Variants in LDLRAD4 observed in about 807,000 individuals in gnomAD.
LDLRAD4 encodes the protein low-density lipoprotein receptor class A domain-containing protein 4.
LDLRAD4 carries 5 observed loss-of-function variants against 17.0 expected under a neutral mutation model. That is an observed-to-expected ratio of 0.29 (90% confidence interval 0.15 to 0.62). The LOEUF (loss-of-function observed/expected upper bound fraction) is 0.62, where lower values mean the gene tolerates loss of function less well. Among genes scored for constraint, LDLRAD4 ranks in the 20% least tolerant of loss-of-function variants. The probability of loss-of-function intolerance (pLI) is 0.84; values close to 1 mark genes in which losing one functional copy is unlikely to be tolerated. For missense variants in LDLRAD4, 340 were observed against 424.7 expected, an observed-to-expected ratio of 0.80 and a Z score of 1.75; for synonymous variants, 168 against 171.8, an observed-to-expected ratio of 0.98 and a Z score of 0.17.
At chr18:13,343,181 C>A (rs1405731994) in intron 1 of LDLRAD4, among the ~76,000 whole-genome samples, 1 of 152,006 alleles carries the variant, frequency 6.6e-6, no homozygotes, top group Non-Finnish European at 1.5e-5. Context: ...GTGCTGCACT[C>A]ATTAACTCGT....
At chr18:13,525,868 C>T (rs998159192) in intron 3 of LDLRAD4, among the ~76,000 whole-genome samples, 1 of 152,198 alleles carries the variant, frequency 6.6e-6, no homozygotes, top group African/African-American at 2.4e-5. Context: ...GGCCATGTAC[C>T]CCAGCGGGGC....
chr18:13,473,636 CATATAT>C (rs71366054), intron 3 of LDLRAD4, among the ~76,000 whole-genome samples: 1,803 of 28,698 alleles, frequency 0.063, 34 homozygotes, highest in Middle Eastern at 0.087. Flanking sequence ...GATCCCATCT[CATATAT>C]ATATATATAT....
intron 1 of LDLRAD4, among the ~76,000 whole-genome samples, chr18:13,370,009 A>G (rs982403301): frequency 1.3e-4 from 20 of 152,234 alleles, no homozygotes; most frequent in African/African-American, 4.8e-4. Context: ...ATGCGTCTCC[A>G]TTAGCATGGA....
intron 3 of LDLRAD4, among the ~76,000 whole-genome samples, chr18:13,594,863 G>T (rs1386523647): frequency 2.0e-5 from 3 of 151,860 alleles, no homozygotes; most frequent in African/African-American, 7.3e-5. Context: ...AGCCATCTTG[G>T]TCTGGGCTTT....
chr18:13,310,573 G>GT (rs1055530285), intron 1 of LDLRAD4, among the ~76,000 whole-genome samples: 4 of 152,184 alleles, frequency 2.6e-5, no homozygotes, highest in African/African-American at 9.7e-5. Context: ...GCTGCTGGGG[G>GT]TATGGAGCAG....
intron 4 of LDLRAD4, among the ~76,000 whole-genome samples, chr18:13,627,142 G>C (rs563832546): frequency 6.6e-6 from 1 of 152,154 alleles, no homozygotes; most frequent in African/African-American, 2.4e-5. Flanking sequence ...GTGGTGGCAC[G>C]TGCCTGTAAT....
At chr18:13,624,002 A>G (rs1396821677) in intron 4 of LDLRAD4, among the ~76,000 whole-genome samples, 1 of 152,198 alleles carries the variant, frequency 6.6e-6, no homozygotes, top group South Asian at 2.1e-4. Context: ...AGTGTCTGGC[A>G]TCATAAGGGG....
chr18:13,441,283 ATCC>A (rs2091006434), intron 3 of LDLRAD4, among the ~76,000 whole-genome samples: 1 of 151,132 alleles, frequency 6.6e-6, no homozygotes, highest in Non-Finnish European at 1.5e-5. Context: ...TTTTTATTGG[ATCC>A]TTCACCAGCC....
chr18:13,306,136 G>A (rs565766887), intron 1 of LDLRAD4, among the ~76,000 whole-genome samples: 1 of 152,294 alleles, frequency 6.6e-6, no homozygotes, highest in African/African-American at 2.4e-5. Flanking sequence ...GATGAAAGTG[G>A]TCTATTCTGG....
At chr18:13,585,696 G>T (rs940009438) in intron 3 of LDLRAD4, among the ~76,000 whole-genome samples, 1 of 152,146 alleles carries the variant, frequency 6.6e-6, no homozygotes, top group African/African-American at 2.4e-5. Flanking sequence ...TGCTTTTCCA[G>T]ATTTTCTCCA....
At chr18:13,567,050 A>T (rs1601434129) in intron 3 of LDLRAD4, among the ~76,000 whole-genome samples, 1 of 152,162 alleles carries the variant, frequency 6.6e-6, no homozygotes. Flanking sequence ...CGCCTGGCCC[A>T]GGGGGGAAGC....
At chr18:13,217,773 A>C (rs1472494771), upstream of LDLRAD4, 1 of 150,854 alleles carries the variant, frequency 6.6e-6, no homozygotes, top group South Asian at 2.1e-4. The surrounding 1 kb of genome is among the most constrained non-coding windows in gnomAD (Gnocchi z 4.9). Flanking sequence ...CGGGATTAGC[A>C]GGCGAGTGCG....
At chr18:13,232,206 G>A (rs567178457) in intron 1 of LDLRAD4, among the ~76,000 whole-genome samples, 14 of 152,336 alleles carry the variant, frequency 9.2e-5, no homozygotes, top group African/African-American at 2.6e-4. Context: ...TTAGAGGAGC[G>A]TCTTCTGGGC....
chr18:13,641,998 C>A (rs1601880757), intron 4 of LDLRAD4: 1 of 985,136 alleles, frequency 1.0e-6, no homozygotes, highest in African/African-American at 1.7e-5. Flanking sequence ...GGAGGGCCTC[C>A]GCCCCCTTCC....
intron 3 of LDLRAD4, among the ~76,000 whole-genome samples, chr18:13,535,083 C>T (rs55888668): frequency 0.087 from 13,218 of 152,106 alleles, 596 homozygotes; most frequent in East Asian, 0.15. Context: ...CATCCATTGA[C>T]GGAACTGTTC....
intron 3 of LDLRAD4, among the ~76,000 whole-genome samples, chr18:13,531,587 CTTTTTTTTT>C (rs10680224): frequency 8.0e-6 from 1 of 124,618 alleles, no homozygotes; most frequent in Non-Finnish European, 1.6e-5. Flanking sequence ...AAGACTCCAT[CTTTTTTTTT>C]TTTTTTTTTT....
chr18:13,457,943 A>G (rs1022053133), intron 3 of LDLRAD4, among the ~76,000 whole-genome samples: 3 of 152,204 alleles, frequency 2.0e-5, no homozygotes, highest in African/African-American at 4.8e-5. Flanking sequence ...GTGTTTGCCT[A>G]TGGAGTGAAC....
At chr18:13,599,387 T>C (rs2095133180) in intron 3 of LDLRAD4, among the ~76,000 whole-genome samples, 2 of 152,188 alleles carry the variant, frequency 1.3e-5, no homozygotes. Context: ...TTTCAGAGAC[T>C]CAAAATGGTT....
intron 3 of LDLRAD4, chr18:13,471,786 A>G (rs1600615323): frequency 6.6e-6 from 1 of 152,352 alleles, no homozygotes; most frequent in Admixed American, 6.5e-5. Context: ...CCTGTTTCAT[A>G]AGAATTGCTC....
Sources: allele counts gnomAD v4.1 joint callset (sites outside exome capture counted in the v4.1 genomes callset), GRCh38; gene constraint gnomAD v4.1.1; non-coding constraint Gnocchi (gnomAD v3.1); transcripts MANE v1.5; gene names NCBI Gene and HGNC (gene_info 2026-07-23, HGNC 2026-07-21).